CEPT1: variants seen among roughly 807,000 people sequenced by gnomAD.
CEPT1 encodes the protein choline/ethanolaminephosphotransferase 1.
Under a neutral mutation model 42.6 loss-of-function variants are expected in CEPT1, and 7 were observed. The observed-to-expected ratio is 0.16, with a 90% CI of 0.09 to 0.31. The LOEUF is 0.31. CEPT1 is among the 10% of genes least tolerant of loss of function. CEPT1 has a pLI of 1.00. For synonymous variants in CEPT1, 171 were observed against 171.9 expected (o/e 0.99, Z 0.04); for missense variants, 306 against 502.1 (o/e 0.61, Z 3.73).
Position 111,174,893 on chromosome 1 carries a change from A to T in CEPT1, c.644A>T (p.Glu215Val). The T allele has an allele frequency of 6.2e-7, 1 of 1,610,970 alleles. No homozygotes were observed. The highest frequency in any genetic ancestry group is 8.5e-7 in the Non-Finnish European group (1 of 1,177,346). ...TACCTAATCAGAATTGATGTGACTG[A>T]AGTGCAAATCTTCATAATAATCATG... Reference protein sequence around the residue: ...TLRFGIIDVTEVQIFIIIMHL... With the variant: ...TLRFGIIDVTVVQIFIIIMHL... Residue 215 changes from glutamate to valine, a missense_variant, in exon 5 of 9, where the codon GAA becomes GTA. Physicochemically the swap from Glu to Val is moderately radical, Grantham distance 121. Transcript: ENST00000357172.
chr1:111,156,337 T>C (rs1655570597), intron 2 of CEPT1, among the ~76,000 whole-genome samples: 1 of 152,228 alleles, frequency 6.6e-6, no homozygotes, highest in African/African-American at 2.4e-5. Flanking sequence ...TGGTTTGTCC[T>C]GGAGAATGTT....
chr1:111,146,021 A>G (rs891906674), intron 1 of CEPT1, among the ~76,000 whole-genome samples: 2 of 152,056 alleles, frequency 1.3e-5, no homozygotes, highest in African/African-American at 4.8e-5. Flanking sequence ...GATAGTTTCC[A>G]ACCAGAAGAT....
In CEPT1 at chr1:111,159,175, A is replaced by G. The variant is rs1329128119; in HGVS notation, c.340-205A>G. ...CGTGATCCGCCCGCCTCGGCCTCCC[A>G]AAGTGCTGGGATTACAGGCGTGAGC... On this transcript the variant is annotated intron_variant, in intron 2 of 8. Transcript: ENST00000357172. 2.0e-5 allele frequency among the ~76,000 whole-genome samples: 3 copies of G among 149,866 alleles called. No individual in the cohort carries two copies. In the East Asian group the frequency reaches 5.8e-4, roughly 29 times the overall value.
chr1:111,146,421 A>G (rs1654968901), intron 1 of CEPT1, among the ~76,000 whole-genome samples: 1 of 152,184 alleles, frequency 6.6e-6, no homozygotes, highest in East Asian at 1.9e-4. Context: ...TTTTGACAAC[A>G]GTACCAGTAA....
At position 111,147,832 on chromosome 1, in the gene CEPT1, A is replaced by G. The variant is rs777395669; in HGVS notation, c.118A>G (p.Thr40Ala). The G allele has an allele frequency of 4.3e-6, 7 of 1,614,020 alleles. No individual in the cohort carries two copies. The South Asian group carries it at 6.6e-5, about 15-fold the overall frequency. Residue 40 changes from threonine to alanine, a missense_variant, in exon 2 of 9, where the codon ACA (threonine) becomes GCA (alanine). Coordinates refer to ENST00000357172, the MANE Select transcript of CEPT1 (RefSeq NM_006090.5). ...ATTAAATAAATTGTTTCAGTTACCA[A>G]CACCACCATTGTCAAGACACCAACT... is the stretch of plus-strand genomic sequence containing the variant. ...CVLNKLFQLP[T>A]PPLSRHQLKR...
intron 2 of CEPT1, among the ~76,000 whole-genome samples, chr1:111,153,130 C>T (rs1655373676): frequency 1.3e-5 from 2 of 152,176 alleles, no homozygotes; most frequent in Non-Finnish European, 2.9e-5. Flanking sequence ...CTCCCCTCCT[C>T]CTTACCCATC....
At position 111,183,538 on chromosome 1, in the gene CEPT1, A is replaced by G. The variant is rs1395309985; in HGVS notation, c.1082A>G (p.Gln361Arg). Residue 361 changes from glutamine to arginine, a missense_variant, in exon 8 of 9, where the codon CAG (glutamine) becomes CGG (arginine). Transcript: ENST00000357172. ...FIGPALLFLD[Q>R]YFNSFIDEYI... The stretch of plus-strand genomic sequence containing the variant: ...GGTCCGGCACTTTTGTTTCTGGACC[A>G]GTATTTTAACAGCTTTATTGATGAA... 6.2e-7 allele frequency: 1 copy of G among 1,613,250 alleles called. No individual in the cohort carries two copies.
chr1:111,159,298 C>G (rs1655749929), intron 2 of CEPT1, 82 bp from the exon 3 acceptor site: 2 of 1,366,044 alleles, frequency 1.5e-6, no homozygotes, highest in Middle Eastern at 2.1e-4. Context: ...AACTAGCTTT[C>G]CAACCTGCAG....
intron 2 of CEPT1, among the ~76,000 whole-genome samples, chr1:111,149,214 A>T (rs1413007841): frequency 6.7e-6 from 1 of 149,410 alleles, no homozygotes; most frequent in Non-Finnish European, 1.5e-5. Context: ...CTCTTCTACT[A>T]TTGCAAATAC....
At chr1:111,153,195 A>G (rs1655379237) in intron 2 of CEPT1, among the ~76,000 whole-genome samples, 1 of 151,234 alleles carries the variant, frequency 6.6e-6, no homozygotes, top group Admixed American at 6.6e-5. Flanking sequence ...TTTTTTTTTT[A>G]GCTCCTGCAT....
intron 3 of CEPT1, chr1:111,160,738 A>G (rs1655823202): frequency 1.8e-5 from 3 of 167,112 alleles, no homozygotes; most frequent in African/African-American, 7.4e-5. Flanking sequence ...CCATAACAAT[A>G]TCTGTTTAAA....
chr1:111,168,679 G>A (rs1243804318), intron 4 of CEPT1, among the ~76,000 whole-genome samples: 3 of 151,994 alleles, frequency 2.0e-5, no homozygotes, highest in Non-Finnish European at 2.9e-5. Context: ...TAGTAGAGAC[G>A]GGGTTTCACC....
intron 4 of CEPT1, among the ~76,000 whole-genome samples, chr1:111,173,907 T>G (rs897124759): frequency 2.6e-5 from 4 of 152,190 alleles, no homozygotes; most frequent in Non-Finnish European, 5.9e-5. Flanking sequence ...TAAAATATTC[T>G]ATTTTATGGA....
intron 4 of CEPT1, among the ~76,000 whole-genome samples, chr1:111,164,704 A>G (rs946815258): frequency 6.6e-6 from 1 of 151,814 alleles, no homozygotes; most frequent in African/African-American, 2.4e-5. Context: ...GCTCACTGCA[A>G]CCTCCGCCTC....
At chr1:111,165,971 T>G (rs1338664830) in intron 4 of CEPT1, among the ~76,000 whole-genome samples, 2 of 152,256 alleles carry the variant, frequency 1.3e-5, no homozygotes, top group Non-Finnish European at 2.9e-5. Context: ...CCACTTTCTA[T>G]GGATTCAGAA....
rs144662462 is a variant in CEPT1 at position 111,152,589 on chromosome 1, C to CAT, written c.339+4543_339+4544dup. Among the ~76,000 whole-genome samples, 1,037 of 152,128 alleles carry CAT rather than the reference C, an allele frequency of 6.8e-3. 11 individuals carry two copies. The highest frequency in any genetic ancestry group is 0.024 in the African/African-American group (995 of 41,488). On this transcript the variant is annotated intron_variant, in intron 2 of 8. Transcript: ENST00000357172. ...AATAAGTCTTTATTGTTTAGGATTGCATATATATGTAATCAAGTCTAAAGG... is the reference window on the plus strand; with the variant it reads ...AATAAGTCTTTATTGTTTAGGATTGCATATATATATGTAATCAAGTCTAAAGG...
At chr1:111,171,343 C>T (rs917856721) in intron 4 of CEPT1, among the ~76,000 whole-genome samples, 4 of 152,140 alleles carry the variant, frequency 2.6e-5, no homozygotes, top group Non-Finnish European at 5.9e-5. Context: ...TTTGTAGTGA[C>T]GAAGACCTCC....
intron 5 of CEPT1, chr1:111,179,506 G>C (rs1656864379): frequency 1.3e-5 from 2 of 152,236 alleles, no homozygotes; most frequent in South Asian, 4.1e-4. Flanking sequence ...GGGAAAGACA[G>C]AATGTGCCTG....
At chr1:111,156,358 A>T (rs1655572415) in intron 2 of CEPT1, among the ~76,000 whole-genome samples, 1 of 152,216 alleles carries the variant, frequency 6.6e-6, no homozygotes, top group African/African-American at 2.4e-5. Context: ...TCGTGTGCTG[A>T]TGAGAAGAAT....
Sources: gnomAD v4.1 joint callset for allele counts (sites outside exome capture counted in the v4.1 genomes callset) on GRCh38, gnomAD v4.1.1 for gene constraint, MANE v1.5 for transcripts, NCBI Gene and HGNC (gene_info 2026-07-23, HGNC 2026-07-21) for gene names.